The following AUTS2 variants were observed in gnomAD, a reference collection of about 807,000 sequenced individuals.
The protein encoded by AUTS2 is activator of transcription and developmental regulator AUTS2.
A neutral mutation model predicts 112.4 loss-of-function variants in AUTS2; 17 were observed. The observed-to-expected ratio is 0.15, with a 90% confidence interval of 0.10 to 0.23. AUTS2 has a LOEUF of 0.23. AUTS2 is among the 10% of genes least tolerant of loss of function. AUTS2 has a pLI of 1.00. For missense variants in AUTS2, 1,510 were observed against 1,701.6 expected (o/e 0.89, Z 1.98); for synonymous variants, 751 against 702.7 (o/e 1.07, Z -1.09).
rs529564736 is a variant in AUTS2, at chr7:69,764,984, C to T, written c.310-134302C>T. ...TCTTTCCAGGCTACCCACGTGAGTACGTTGATAATATTTCTGAGAGTTTTA... is the reference window on the plus strand; with the variant it reads ...TCTTTCCAGGCTACCCACGTGAGTATGTTGATAATATTTCTGAGAGTTTTA... On this transcript the variant is annotated intron_variant, in intron 1 of 18. Coordinates refer to ENST00000342771, the MANE Select transcript of AUTS2 (RefSeq NM_015570.4). Among the ~76,000 whole-genome samples, 18 of 151,900 alleles carry T rather than the reference C, an allele frequency of 1.2e-4. No individual in the cohort carries two copies. The East Asian group carries it at 1.5e-3, about 13-fold the overall frequency.
rs1039823805 is a variant in AUTS2 at position 70,656,221 on chromosome 7, A to G, written c.691-42348A>G. ...TCATTTTTCTTAGTAAAATCATATA[A>G]TGTCTGCATTTTTCCTTTGCAGTAC... On this transcript the variant is annotated intron_variant, in intron 5 of 18. Coordinates refer to ENST00000342771, the MANE Select transcript of AUTS2 (RefSeq NM_015570.4). 9.2e-5 allele frequency among the ~76,000 whole-genome samples: 14 copies of G among 152,258 alleles called. No homozygotes were observed. In the East Asian group the frequency reaches 2.7e-3, roughly 29 times the overall value.
chr7:70,147,368 A>G (rs946008248), intron 4 of AUTS2, among the ~76,000 whole-genome samples: 1 of 152,174 alleles, frequency 6.6e-6, no homozygotes, highest in African/African-American at 2.4e-5. Context: ...GATGAGGAAT[A>G]TTGAAATGAG....
intron 1 of AUTS2, among the ~76,000 whole-genome samples, chr7:69,863,116 T>C (rs1429969208): frequency 6.6e-6 from 1 of 152,202 alleles, no homozygotes; most frequent in Non-Finnish European, 1.5e-5. Context: ...CATATGTGTA[T>C]ATTTGTATAT....
intron 5 of AUTS2, among the ~76,000 whole-genome samples, chr7:70,621,838 C>CCTT (rs1804689541): frequency 3.0e-5 from 2 of 66,788 alleles, no homozygotes; most frequent in African/African-American, 1.2e-4. Flanking sequence ...TAGTCATTCT[C>CCTT]TTTTTTTTTT....
intron 1 of AUTS2, among the ~76,000 whole-genome samples, chr7:69,734,178 A>G (rs559914055): frequency 6.6e-6 from 1 of 152,146 alleles, no homozygotes; most frequent in Admixed American, 6.5e-5. Context: ...TTAATCTCCA[A>G]ATGTAGGTTA....
rs1452869113 is a variant in AUTS2, at chr7:70,415,728, T to C, written c.661-20024T>C. 3.3e-5 allele frequency among the ~76,000 whole-genome samples: 5 copies of C among 152,202 alleles called. No individual in the cohort carries two copies. The East Asian group carries it at 7.7e-4, about 23-fold the overall frequency. On this transcript the variant is annotated intron_variant, in intron 4 of 18. Transcript: ENST00000342771. ...TGTTTTGGGTGGAGAGACATCTATATTGTGGCTGTCTCAGAGTTACGGGGA... is the reference window on the plus strand; with the variant it reads ...TGTTTTGGGTGGAGAGACATCTATACTGTGGCTGTCTCAGAGTTACGGGGA...
At chr7:70,681,733 G>T (rs538732987) in intron 5 of AUTS2, among the ~76,000 whole-genome samples, 1 of 152,086 alleles carries the variant, frequency 6.6e-6, no homozygotes. Flanking sequence ...AGACCTGCTG[G>T]TATTTAAATT....
chr7:69,766,365 G>A (rs916885005), intron 1 of AUTS2, among the ~76,000 whole-genome samples: 2 of 152,098 alleles, frequency 1.3e-5, no homozygotes, highest in Non-Finnish European at 2.9e-5. Context: ...CTACATTTGG[G>A]TTGCTTCCAC....
intron 4 of AUTS2, among the ~76,000 whole-genome samples, chr7:70,264,059 A>G (rs183883350): frequency 1.3e-5 from 2 of 152,310 alleles, no homozygotes; most frequent in African/African-American, 4.8e-5. Flanking sequence ...ATTTGATCCA[A>G]TTGGCAATGC....
intron 2 of AUTS2, among the ~76,000 whole-genome samples, chr7:69,954,072 G>A (rs755548723): frequency 1.7e-4 from 26 of 152,152 alleles, no homozygotes; most frequent in Middle Eastern, 6.8e-3. Flanking sequence ...GATAATTAAA[G>A]TATTTACATA....
At chr7:69,804,563 GACTTAAATAT>G (rs1397615741) in intron 1 of AUTS2, among the ~76,000 whole-genome samples, 2 of 152,128 alleles carry the variant, frequency 1.3e-5, no homozygotes, top group Non-Finnish European at 2.9e-5. Flanking sequence ...CTCCAATGAA[GACTTAAATAT>G]ACTTACTAGC....
At chr7:70,690,036 CCTTA>C (rs1195516962) in intron 5 of AUTS2, among the ~76,000 whole-genome samples, 1 of 152,172 alleles carries the variant, frequency 6.6e-6, no homozygotes, top group African/African-American at 2.4e-5. Context: ...AATATATCCT[CCTTA>C]CTAAGTGCCA....
At chr7:70,354,061 G>A (rs1468986483) in intron 4 of AUTS2, among the ~76,000 whole-genome samples, 6 of 152,172 alleles carry the variant, frequency 3.9e-5, no homozygotes, top group Admixed American at 6.5e-5. Flanking sequence ...CTTGCTAATC[G>A]CGTAAAGTGT....
chr7:70,121,435 A>G (rs955173672), intron 3 of AUTS2, among the ~76,000 whole-genome samples: 2 of 152,190 alleles, frequency 1.3e-5, no homozygotes, highest in Non-Finnish European at 2.9e-5. Context: ...AGATTTGCAA[A>G]TCATATAAGT....
intron 6 of AUTS2, among the ~76,000 whole-genome samples, chr7:70,748,330 A>C (rs144922231): frequency 1.1e-3 from 169 of 152,340 alleles, no homozygotes; most frequent in African/African-American, 3.8e-3. Context: ...TGGATGTTTT[A>C]TAGAAAATCA....
chr7:70,736,428 T>C (rs1245785167), intron 6 of AUTS2, among the ~76,000 whole-genome samples: 1 of 152,244 alleles, frequency 6.6e-6, no homozygotes, highest in Non-Finnish European at 1.5e-5. Context: ...GCATGCTTTA[T>C]TGCCAGTTGG....
intron 1 of AUTS2, among the ~76,000 whole-genome samples, chr7:69,743,799 A>G (rs771379903): frequency 8.5e-5 from 13 of 152,112 alleles, no homozygotes; most frequent in Non-Finnish European, 1.9e-4. Context: ...ACCTACCTGC[A>G]TAGTACCTAT....
At chr7:69,651,651 CAG>C (rs1324416049) in intron 1 of AUTS2, among the ~76,000 whole-genome samples, 1 of 152,184 alleles carries the variant, frequency 6.6e-6, no homozygotes, top group Non-Finnish European at 1.5e-5. Context: ...AGAAGTTACA[CAG>C]AATATTCAAG....
chr7:70,661,359 T>G (rs1489303094), intron 5 of AUTS2, among the ~76,000 whole-genome samples: 1 of 151,812 alleles, frequency 6.6e-6, no homozygotes, highest in Non-Finnish European at 1.5e-5. Context: ...CCCTGGAAAA[T>G]GTGAAAATGA....
Sources: allele counts gnomAD v4.1 joint callset (sites outside exome capture counted in the v4.1 genomes callset), GRCh38; gene constraint gnomAD v4.1.1; transcripts MANE v1.5; gene names NCBI Gene and HGNC (gene_info 2026-07-23, HGNC 2026-07-21).